MSI2: variants seen among roughly 807,000 people sequenced by gnomAD.
MSI2 encodes musashi RNA binding protein 2.
MSI2 carries 17 observed loss-of-function variants against 45.6 expected under a neutral mutation model. The ratio of observed to expected loss-of-function variants is 0.37; its 90% CI spans 0.26 to 0.56. The LOEUF (loss-of-function observed/expected upper bound fraction) is 0.56. Ranked by LOEUF, MSI2 falls within the 20% of genes least tolerant of loss-of-function variation. The pLI, the probability that MSI2 is intolerant of heterozygous loss-of-function variation, is 0.77. For synonymous variants in MSI2, 156 were observed against 158.2 expected (o/e 0.99, Z 0.11); for missense variants, 293 against 444.2 (o/e 0.66, Z 3.06).
chr17:57,662,399 C>T (rs957209447), intron 11 of MSI2, among the ~76,000 whole-genome samples: 5 of 152,186 alleles, frequency 3.3e-5, no homozygotes, highest in African/African-American at 1.2e-4. Context: ...AATAATAGCT[C>T]ACATGTATTA....
intron 7 of MSI2, among the ~76,000 whole-genome samples, chr17:57,547,504 A>C (rs1460253964): frequency 6.6e-6 from 1 of 151,834 alleles, no homozygotes; most frequent in Non-Finnish European, 1.5e-5. Context: ...TTATATTTGG[A>C]GACAAGTTAT....
chr17:57,319,539 C>CGA (rs1443966653), intron 5 of MSI2, among the ~76,000 whole-genome samples: 1 of 152,148 alleles, frequency 6.6e-6, no homozygotes, highest in Non-Finnish European at 1.5e-5. Flanking sequence ...GACTTTTGAT[C>CGA]GAGAGCTGCT....
rs1464647650 is a variant in MSI2, at chr17:57,675,901, GTTC to G, written c.945+780_945+782del. Among the ~76,000 whole-genome samples, 11 of 152,316 alleles carry G rather than the reference GTTC, an allele frequency of 7.2e-5. No individual in the cohort carries two copies. The East Asian group carries it at 1.4e-3, about 19-fold the overall frequency. ...TTGCATGCTGTTTTCAGATTGTGTT[GTTC>G]TTCTCCCTCCCGGTGTGTGTGAGCA... is the stretch of plus-strand genomic sequence containing the variant. On this transcript the variant is annotated intron_variant, in intron 12 of 13. Coordinates refer to ENST00000284073, the MANE Select transcript of MSI2 (RefSeq NM_138962.4).
chr17:57,325,637 G>A (rs998630878), intron 5 of MSI2, among the ~76,000 whole-genome samples: 2 of 152,110 alleles, frequency 1.3e-5, no homozygotes, highest in African/African-American at 4.8e-5. Context: ...TACCCCCTTT[G>A]CTGACCGAGT....
At chr17:57,524,509 AATCTAGACATGAGTTTATCTGTTAGATAG>A (rs1567876800) in intron 6 of MSI2, among the ~76,000 whole-genome samples, 1 of 152,262 alleles carries the variant, frequency 6.6e-6, no homozygotes, top group Non-Finnish European at 1.5e-5. Flanking sequence ...TTGGCTGCAT[AATCTAGACATGAGTTTATCTGTTAGATAG>A]ATCTAGACAT....
chr17:57,390,457 G>C (rs1015899482), intron 5 of MSI2, among the ~76,000 whole-genome samples: 51 of 152,314 alleles, frequency 3.3e-4, no homozygotes, highest in Admixed American at 1.4e-3. Flanking sequence ...CCCCCACCCC[G>C]CAGGCCATGC....
At chr17:57,689,238 C>G (rs1913938653), downstream of MSI2, among the ~76,000 whole-genome samples, 1 of 151,892 alleles carries the variant, frequency 6.6e-6, no homozygotes, top group Admixed American at 6.6e-5. Flanking sequence ...AGTATGTTCT[C>G]TCTCTCTACA....
intron 6 of MSI2, among the ~76,000 whole-genome samples, chr17:57,526,359 GTGTGTGTGTGTGTGTGTGTGTGTGTGT>G (rs1567877874): frequency 0.13 from 8,476 of 66,994 alleles, 766 homozygotes; most frequent in African/African-American, 0.34. Context: ...ATACCTGGGT[GTGTGTGTGTGTGTGTGTGTGTGTGTGT>G]GTGTGTGTGT....
chr17:57,416,596 T>C (rs553423779), intron 6 of MSI2, among the ~76,000 whole-genome samples: 2 of 152,338 alleles, frequency 1.3e-5, no homozygotes, highest in South Asian at 2.1e-4. Context: ...TGTCCGCCCA[T>C]ATTTTACAAT....
chr17:57,295,982 C>A (rs774958226), intron 5 of MSI2, among the ~76,000 whole-genome samples: 2 of 125,988 alleles, frequency 1.6e-5, no homozygotes, highest in Non-Finnish European at 3.2e-5. Flanking sequence ...TACCAGTTCA[C>A]GCAGCCTTCC....
chr17:57,333,228 A>G (rs982030382), intron 5 of MSI2, among the ~76,000 whole-genome samples: 12 of 152,094 alleles, frequency 7.9e-5, no homozygotes, highest in African/African-American at 2.9e-4. Context: ...GTTAATACCA[A>G]AGACCCTGGG....
intron 5 of MSI2, 65 bp from the exon 6 acceptor site, chr17:57,401,314 A>G (rs2083985559): frequency 7.6e-7 from 1 of 1,312,212 alleles, no homozygotes; most frequent in African/African-American, 1.4e-5. Context: ...TTGTTTCAGC[A>G]GCCTCTTGAG....
intron 10 of MSI2, among the ~76,000 whole-genome samples, chr17:57,642,579 C>G (rs1307258824): frequency 1.3e-5 from 2 of 152,178 alleles, no homozygotes; most frequent in African/African-American, 4.8e-5. Flanking sequence ...CCAGTTGTCT[C>G]TCCTTGGGCA....
intron 12 of MSI2, among the ~76,000 whole-genome samples, chr17:57,675,671 C>T (rs552450179): frequency 1.1e-4 from 16 of 152,232 alleles, no homozygotes; most frequent in South Asian, 4.2e-4. Flanking sequence ...CGCTGGAGCC[C>T]GGGAGGTGGT....
chr17:57,357,153 G>A (rs1253128864), intron 5 of MSI2, among the ~76,000 whole-genome samples: 1 of 152,042 alleles, frequency 6.6e-6, no homozygotes, highest in African/African-American at 2.4e-5. Context: ...GTTTCTCCTT[G>A]AGGACAGCCT....
At chr17:57,651,716 C>G (rs1362106685) in intron 10 of MSI2, among the ~76,000 whole-genome samples, 5 of 152,266 alleles carry the variant, frequency 3.3e-5, no homozygotes, top group Admixed American at 2.6e-4. Flanking sequence ...CTGCCAGGAG[C>G]AGTGGGCCAG....
intron 8 of MSI2, among the ~76,000 whole-genome samples, chr17:57,602,477 C>T (rs1038487976): frequency 1.3e-5 from 2 of 152,130 alleles, no homozygotes; most frequent in African/African-American, 2.4e-5. Flanking sequence ...CTCGGCCTCC[C>T]GAGTAGCTGG....
chr17:57,310,350 C>T (rs1449177337), intron 5 of MSI2, among the ~76,000 whole-genome samples: 3 of 140,948 alleles, frequency 2.1e-5, no homozygotes, highest in Non-Finnish European at 3.0e-5. Context: ...TTTTTTTTTT[C>T]CGAGTTGGAA....
At chr17:57,466,132 C>G (rs1164428146) in intron 6 of MSI2, among the ~76,000 whole-genome samples, 6 of 152,140 alleles carry the variant, frequency 3.9e-5, no homozygotes, top group Non-Finnish European at 7.3e-5. Context: ...GAACCAGAGT[C>G]CCCCGTAATT....
Sources: allele counts gnomAD v4.1 joint callset (sites outside exome capture counted in the v4.1 genomes callset), GRCh38; gene constraint gnomAD v4.1.1; transcripts MANE v1.5; gene names NCBI Gene and HGNC (gene_info 2026-07-23, HGNC 2026-07-21).